The following WDFY4 variants were observed in gnomAD, a reference collection of about 807,000 sequenced individuals.
The protein encoded by WDFY4 is WDFY family member 4, also known as WD repeat- and FYVE domain-containing protein 4.
Under a neutral mutation model 351.9 loss-of-function variants are expected in WDFY4, and 169 were observed. The observed-to-expected ratio is 0.48, with a 90% CI of 0.42 to 0.55. WDFY4 has a LOEUF of 0.55. WDFY4 is among the 20% of genes least tolerant of loss of function. The probability of loss-of-function intolerance (pLI) is 0.00; values close to 1 mark genes in which losing one functional copy is unlikely to be tolerated. For synonymous variants in WDFY4, 1,622 were observed against 1,574.6 expected, an observed-to-expected ratio of 1.03 and a Z score of -0.71; for missense variants, 3,803 against 3,935.6, an observed-to-expected ratio of 0.97 and a Z score of 0.90.
At position 48,807,882 on chromosome 10, in the gene WDFY4, A is replaced by G; in HGVS notation, c.4762A>G (p.Thr1588Ala). The change falls in exon 28 of 62, where the codon ACA becomes GCA. Residue 1588 changes from threonine to alanine, a missense_variant. Thr to Ala is a moderately conservative substitution (Grantham distance 58). Transcript: ENST00000325239. ...LPAGSQTSGKTIWLRNQLLEM... is the reference protein window; with the variant it reads ...LPAGSQTSGKAIWLRNQLLEM... ...AGCTGGAAGCCAAACATCTGGAAAG[A>G]CAATCTGGCTCAGAAACCAGTTGCT... is the stretch of plus-strand genomic sequence containing the variant. The G allele has an allele frequency of 6.4e-7, 1 of 1,551,692 alleles. No homozygotes were observed. The highest frequency in any genetic ancestry group is 8.7e-7 in the Non-Finnish European group (1 of 1,147,008).
At chr10:48,749,956 G>T (rs1340707422) in intron 12 of WDFY4, among the ~76,000 whole-genome samples, 2 of 152,272 alleles carry the variant, frequency 1.3e-5, no homozygotes, top group East Asian at 3.9e-4. Context: ...AACTTAAGTT[G>T]TGGCTATAAC....
intron 6 of WDFY4, 108 bp from the exon 7 acceptor site, chr10:48,727,362 C>G: frequency 8.7e-7 from 1 of 1,155,834 alleles, no homozygotes; most frequent in South Asian, 1.6e-5. Flanking sequence ...GGATTAATTC[C>G]CATTCATGTC....
chr10:48,924,047 C>A (rs1002458838), intron 47 of WDFY4, among the ~76,000 whole-genome samples: 1 of 152,224 alleles, frequency 6.6e-6, no homozygotes, highest in African/African-American at 2.4e-5. Context: ...CGTTAAGGAG[C>A]CTCTCTCCAA....
At chr10:48,911,009 A>G (rs1913517) in intron 47 of WDFY4, 293,151 of 582,662 alleles carry the variant, frequency 0.5, 74,543 homozygotes, top group East Asian at 0.73. Context: ...ATGGAAAGTC[A>G]TCATGTAGCT....
chr10:48,771,932 C>T (rs1312052008), intron 13 of WDFY4, among the ~76,000 whole-genome samples: 1 of 152,186 alleles, frequency 6.6e-6, no homozygotes, highest in Non-Finnish European at 1.5e-5. Flanking sequence ...AGAGACCAGA[C>T]CCTAGTCCTC....
chr10:48,897,331 A>G, intron 44 of WDFY4, 123 bp from the exon 45 acceptor site: 1 of 1,368,654 alleles, frequency 7.3e-7, no homozygotes, highest in Admixed American at 2.1e-5. Context: ...TGACCACCGC[A>G]CTTCTCTGAT....
intron 47 of WDFY4, among the ~76,000 whole-genome samples, chr10:48,929,204 G>A (rs1023388981): frequency 6.6e-6 from 1 of 152,022 alleles, no homozygotes; most frequent in African/African-American, 2.4e-5. Flanking sequence ...CAGAGAGGAG[G>A]GGATGGACAA....
chr10:48,781,545 C>T (rs886658187), intron 19 of WDFY4, among the ~76,000 whole-genome samples: 2 of 152,212 alleles, frequency 1.3e-5, no homozygotes, highest in African/African-American at 4.8e-5. Flanking sequence ...ATCCACCTGC[C>T]TTGCCCTCCC....
In WDFY4 at chr10:48,796,426, C is replaced by T. The variant is rs2066877607; in HGVS notation, c.4386C>T (p.Phe1462=). 2 of 1,551,796 alleles carry T rather than the reference C, an allele frequency of 1.3e-6. No homozygotes were observed. Among genetic ancestry groups the T allele is most frequent in the East Asian group, 2.4e-5 (1 of 40,932 alleles). ...CTGCTATCACCAACACTGGTGTCTTCCAGCACATCCTCTGCAATTTCGAGG... is the reference window on the plus strand; with the variant it reads ...CTGCTATCACCAACACTGGTGTCTTTCAGCACATCCTCTGCAATTTCGAGG... ...RSSAITNTGV[F]QHILCNFELW... The change falls in exon 24 of 62, where the codon TTC becomes TTT. Residue 1462 remains phenylalanine (F), a synonymous_variant. Coordinates refer to ENST00000325239, the MANE Select transcript of WDFY4 (RefSeq NM_001394531.1).
intron 48 of WDFY4, among the ~76,000 whole-genome samples, chr10:48,942,503 T>C (rs1190087757): frequency 6.6e-6 from 1 of 152,192 alleles, no homozygotes; most frequent in African/African-American, 2.4e-5. Flanking sequence ...GGGCAGAGCA[T>C]GGGTGTCAAT....
intron 47 of WDFY4, chr10:48,932,528 G>GTCA (rs1840076888): frequency 6.6e-6 from 1 of 152,104 alleles, no homozygotes; most frequent in Non-Finnish European, 1.5e-5. Flanking sequence ...TCCTCATTCA[G>GTCA]TCATCTGTCC....
intron 23 of WDFY4, among the ~76,000 whole-genome samples, chr10:48,791,671 G>A (rs2066685811): frequency 6.6e-6 from 1 of 152,252 alleles, no homozygotes; most frequent in African/African-American, 2.4e-5. Flanking sequence ...TGTCTGGGAG[G>A]CAGCCAGGTG....
chr10:48,914,985 C>T (rs541155977), intron 47 of WDFY4, among the ~76,000 whole-genome samples: 10 of 152,260 alleles, frequency 6.6e-5, no homozygotes, highest in Admixed American at 1.3e-4. Context: ...GATAAATGGC[C>T]GTGACTGCCT....
At chr10:48,913,213 C>CA (rs1323118339) in intron 47 of WDFY4, among the ~76,000 whole-genome samples, 1 of 152,124 alleles carries the variant, frequency 6.6e-6, no homozygotes, top group Non-Finnish European at 1.5e-5. Context: ...GGCAAGGAAT[C>CA]AAAAGCCCTT....
At chr10:48,699,625 G>A (rs117319448) in intron 1 of WDFY4, among the ~76,000 whole-genome samples, 2,513 of 152,262 alleles carry the variant, frequency 0.017, 39 homozygotes, top group Non-Finnish European at 0.022. Flanking sequence ...TAATGTCCAC[G>A]TCTTGGAGTC....
In WDFY4 at chr10:48,900,264, T is replaced by G. The variant is rs1225876762; in HGVS notation, c.7481T>G (p.Phe2494Cys). 6 of 1,551,614 alleles carry G rather than the reference T, an allele frequency of 3.9e-6. No homozygotes were observed. Among genetic ancestry groups the G allele is most frequent in the Non-Finnish European group, 1.7e-6 (2 of 1,146,984 alleles). The change falls in exon 46 of 62, where the codon TTT (phenylalanine) becomes TGT (cysteine). Residue 2494 changes from phenylalanine (F) to cysteine (C), a missense_variant. This residue lies in a region of WDFY4 where 3,054 missense variants were observed against 3,148.6 expected (regional missense o/e 0.97). Transcript: ENST00000325239. The part of the protein sequence containing the change: ...EIFFHNGYSK[F>C]LVFYNNDRSK... ...TTCTTCCACAATGGATATTCCAAGT[T>G]TCTTGTCTTCTACAACAATGATCGG...
chr10:48,923,051 G>A (rs927846635), intron 47 of WDFY4, among the ~76,000 whole-genome samples: 7 of 152,118 alleles, frequency 4.6e-5, no homozygotes, highest in East Asian at 1.9e-4. Context: ...TTAAAAAATC[G>A]TTTTTAAAAA....
At chr10:48,728,987 AGCAG>A (rs2064363503) in intron 7 of WDFY4, among the ~76,000 whole-genome samples, 2 of 152,222 alleles carry the variant, frequency 1.3e-5, no homozygotes, top group African/African-American at 4.8e-5. Flanking sequence ...CCACAAGAGG[AGCAG>A]GACAGCCTAC....
At chr10:48,701,038 A>G (rs2063466604) in intron 1 of WDFY4, among the ~76,000 whole-genome samples, 1 of 152,122 alleles carries the variant, frequency 6.6e-6, no homozygotes, top group African/African-American at 2.4e-5. Context: ...TTACCTTTTC[A>G]TCTTGCAAAA....
Sources: gnomAD v4.1 joint callset for allele counts (sites outside exome capture counted in the v4.1 genomes callset) on GRCh38, gnomAD v4.1.1 for gene constraint, gnomAD v4.1.1 regional missense constraint, MANE v1.5 for transcripts, NCBI Gene and HGNC (gene_info 2026-07-23, HGNC 2026-07-21) for gene names.